Variants in GATAD2B observed in about 807,000 individuals in gnomAD.
GATAD2B encodes the protein GATA zinc finger domain containing 2B.
In GATAD2B, 8 loss-of-function variants were observed where a neutral mutation model predicts 64.3. The ratio of observed to expected loss-of-function variants is 0.12; its 90% confidence interval spans 0.07 to 0.22. The LOEUF (loss-of-function observed/expected upper bound fraction) is 0.22. GATAD2B is among the 10% of genes least tolerant of loss of function. The pLI is 1.00. For missense variants in GATAD2B, 453 were observed against 752.0 expected, an observed-to-expected ratio of 0.60 and a Z score of 4.65; for synonymous variants, 281 against 271.3, an observed-to-expected ratio of 1.04 and a Z score of -0.35.
intron 1 of GATAD2B, among the ~76,000 whole-genome samples, chr1:153,834,610 G>A (rs561021165): frequency 8.6e-5 from 13 of 151,492 alleles, no homozygotes; most frequent in East Asian, 6.0e-4. Flanking sequence ...GGCTGGTCTC[G>A]CACTCCCGAC....
chr1:153,852,611 A>G, intron 1 of GATAD2B: 1 of 789,638 alleles, frequency 1.3e-6, no homozygotes, highest in Admixed American at 1.7e-5. Context: ...CACTATGCAC[A>G]CTCTTCCTGG....
At chr1:153,871,095 C>G (rs1186961386) in intron 1 of GATAD2B, among the ~76,000 whole-genome samples, 1 of 151,796 alleles carries the variant, frequency 6.6e-6, no homozygotes, top group Non-Finnish European at 1.5e-5. Context: ...TTGAGACAGT[C>G]TCGCTCTGTT....
Position 153,871,340 on chromosome 1 carries a change from C to T in GATAD2B, c.-1-42992G>A, listed in dbSNP as rs148677895. 4.6e-3 allele frequency among the ~76,000 whole-genome samples: 698 copies of T among 152,184 alleles called. 4 individuals are homozygous for T. The highest frequency in any genetic ancestry group is 0.016 in the African/African-American group (660 of 41,514). On this transcript the variant is annotated intron_variant, in intron 1 of 10. Transcript: ENST00000368655. The stretch of plus-strand genomic sequence containing the variant: ...TCAGTCTCCCAAAGTGCTGGGATTA[C>T]AGGCGTGAGCGACCACACCCGGCCA...
chr1:153,868,253 C>T lies in GATAD2B; in HGVS notation c.-1-39905G>A, dbSNP rs141278009. Among the ~76,000 whole-genome samples the T allele has an allele frequency of 2.3e-3, 352 of 152,054 alleles. 1 individual carries two copies. The highest frequency in any genetic ancestry group is 8.2e-3 in the African/African-American group (342 of 41,502). The stretch of plus-strand genomic sequence containing the variant: ...AATAAAAATTTTAAAATTATTAATG[C>T]ATTTAAAAATAAACCCATTCCATGT... On this transcript the variant is annotated intron_variant, in intron 1 of 10. Coordinates refer to ENST00000368655, the MANE Select transcript of GATAD2B (RefSeq NM_020699.4).
chr1:153,894,151 G>T (rs1677508831), intron 1 of GATAD2B, among the ~76,000 whole-genome samples: 3 of 151,966 alleles, frequency 2.0e-5, no homozygotes, highest in Admixed American at 2.0e-4. Context: ...GTGGAGGAGG[G>T]TAATGACTAG....
At chr1:153,884,581 G>A (rs1213387993) in intron 1 of GATAD2B, among the ~76,000 whole-genome samples, 1 of 152,140 alleles carries the variant, frequency 6.6e-6, no homozygotes, top group Non-Finnish European at 1.5e-5. Flanking sequence ...CAGCCTGGGG[G>A]ACAAGAGTGA....
chr1:153,831,824 G>A (rs1675085133), intron 1 of GATAD2B, among the ~76,000 whole-genome samples: 1 of 152,196 alleles, frequency 6.6e-6, no homozygotes, highest in East Asian at 1.9e-4. Context: ...AGTAGGAAAA[G>A]TCTGCCACTC....
Position 153,807,753 on chromosome 1 carries a change from A to C in GATAD2B, c.*2424T>G, listed in dbSNP as rs1557775683. ...GGACTCAGCTCAGGGCAGGGCAGGG[A>C]CAGCCCCCAGCCAGACGGTATTGCA... is the stretch of plus-strand genomic sequence containing the variant. On this transcript the variant is annotated 3_prime_UTR_variant, in exon 11 of 11. Coordinates refer to ENST00000368655, the MANE Select transcript of GATAD2B (RefSeq NM_020699.4). 1 of 152,818 alleles carries C rather than the reference A, an allele frequency of 6.5e-6. No individual in the cohort carries two copies. The highest frequency in any genetic ancestry group is 1.5e-5 in the Non-Finnish European group (1 of 68,236). 9.5% of individuals were successfully genotyped at this position (152,818 alleles called of 1,614,324 possible). A position where few individuals can be genotyped will look rare whatever the true frequency, so the allele number is the denominator to read the frequency against.
At chr1:153,822,611 G>C (rs1299363453) in intron 2 of GATAD2B, among the ~76,000 whole-genome samples, 1 of 152,092 alleles carries the variant, frequency 6.6e-6, no homozygotes, top group Non-Finnish European at 1.5e-5. Flanking sequence ...TCAGGTTTAA[G>C]TGATTCTCCT....
intron 1 of GATAD2B, among the ~76,000 whole-genome samples, chr1:153,843,758 T>A (rs1449652099): frequency 2.1e-5 from 3 of 144,492 alleles, no homozygotes; most frequent in Non-Finnish European, 4.5e-5. Flanking sequence ...CTGGTCAAGA[T>A]GATTCAACAG....
intron 1 of GATAD2B, among the ~76,000 whole-genome samples, chr1:153,884,994 A>G (rs1359759405): frequency 6.6e-6 from 1 of 152,020 alleles, no homozygotes; most frequent in Admixed American, 6.6e-5. Context: ...TGGCCTGAAG[A>G]GATCCTCCCG....
intron 1 of GATAD2B, among the ~76,000 whole-genome samples, chr1:153,862,157 C>T (rs895629866): frequency 1.7e-5 from 2 of 120,502 alleles, no homozygotes; most frequent in Non-Finnish European, 3.3e-5. Context: ...GAGTCTTGCT[C>T]TGTCACCCAG....
intron 1 of GATAD2B, among the ~76,000 whole-genome samples, chr1:153,846,848 C>T (rs748405893): frequency 2.6e-5 from 4 of 151,442 alleles, no homozygotes; most frequent in African/African-American, 4.9e-5. Flanking sequence ...CGTGAGCCAC[C>T]GCACCTGGCC....
At chr1:153,815,979 G>A (rs1038629825) in intron 7 of GATAD2B, among the ~76,000 whole-genome samples, 1 of 151,900 alleles carries the variant, frequency 6.6e-6, no homozygotes, top group African/African-American at 2.4e-5. Flanking sequence ...CTTGAACTCA[G>A]GAGGCAGAGG....
chr1:153,852,576 T>A, intron 1 of GATAD2B: 1 of 774,060 alleles, frequency 1.3e-6, no homozygotes, highest in East Asian at 2.4e-5. Context: ...GAGCTTATCC[T>A]GAGCATCCTG....
intron 1 of GATAD2B, among the ~76,000 whole-genome samples, chr1:153,911,422 T>G (rs2101968651): frequency 6.6e-6 from 1 of 152,120 alleles, no homozygotes; most frequent in South Asian, 2.1e-4. Context: ...TCAACAAAAT[T>G]AACAACAGAA....
chr1:153,852,156 A>G, intron 1 of GATAD2B: 1 of 757,208 alleles, frequency 1.3e-6, no homozygotes, highest in East Asian at 2.5e-5. Context: ...CCATCTCTGC[A>G]CTTTGGTCCT....
intron 3 of GATAD2B, among the ~76,000 whole-genome samples, chr1:153,819,215 T>A (rs1012994426): frequency 6.6e-6 from 1 of 152,208 alleles, no homozygotes; most frequent in Non-Finnish European, 1.5e-5. Flanking sequence ...AAAATAATGT[T>A]CCTAAATCTC....
intron 1 of GATAD2B, among the ~76,000 whole-genome samples, chr1:153,830,015 G>A (rs1000491572): frequency 6.6e-6 from 1 of 151,726 alleles, no homozygotes; most frequent in African/African-American, 2.4e-5. Context: ...AGAATCACTT[G>A]AACCTGCAAG....
Sources: gnomAD v4.1 joint callset for allele counts (sites outside exome capture counted in the v4.1 genomes callset) on GRCh38, gnomAD v4.1.1 for gene constraint, MANE v1.5 for transcripts, NCBI Gene and HGNC (gene_info 2026-07-23, HGNC 2026-07-21) for gene names.